RSAD1: variants seen among roughly 807,000 people sequenced by gnomAD.
The protein encoded by RSAD1 is radical S-adenosyl methionine domain-containing protein 1, mitochondrial.
Under a neutral mutation model 46.2 loss-of-function variants are expected in RSAD1, and 34 were observed. The observed-to-expected ratio is 0.74, with a 90% CI of 0.56 to 0.98. The LOEUF (loss-of-function observed/expected upper bound fraction) is 0.98, where lower values mean the gene tolerates loss of function less well. RSAD1 is among the 50% of genes least tolerant of loss of function. RSAD1 has a pLI of 0.00. For synonymous variants in RSAD1, 260 were observed against 253.5 expected (o/e 1.03, Z -0.24); for missense variants, 635 against 592.3 (o/e 1.07, Z -0.75).
chr17:50,483,738 C>T lies in RSAD1; in HGVS notation c.1085C>T (p.Thr362Ile), dbSNP rs2033414710. The T allele has an allele frequency of 6.2e-7, 1 of 1,612,064 alleles. No homozygotes were observed. Among genetic ancestry groups the T allele is most frequent in the Non-Finnish European group, 8.5e-7 (1 of 1,179,406 alleles). ...LEEVLALGLR[T>I]DVGITHQHWQ... is the part of the protein sequence containing the mutation. The stretch of plus-strand genomic sequence containing the variant: ...GAAGTTTTGGCCCTGGGGCTACGCA[C>T]CGATGTGGGGATCACTCACCAGGTA... The change falls in exon 7 of 9, where the codon ACC becomes ATC. Residue 362 changes from threonine to isoleucine, a missense_variant. By Grantham distance (89) the Thr-to-Ile change is moderately conservative. Coordinates refer to ENST00000258955, the MANE Select transcript of RSAD1 (RefSeq NM_018346.3).
chr17:50,484,077 C>G (rs941744890), intron 7 of RSAD1: 2 of 453,628 alleles, frequency 4.4e-6, no homozygotes, highest in South Asian at 7.1e-5. Context: ...AGGGTTTCCA[C>G]TTGTTTTTAG....
At position 50,482,661 on chromosome 17, in the gene RSAD1, AATTGGACTT is replaced by A; in HGVS notation, c.861_869del (p.Thr289_Trp291del). 6.2e-7 allele frequency: 1 copy of A among 1,614,122 alleles called. No individual in the cohort carries two copies. Among genetic ancestry groups the A allele is most frequent in the Non-Finnish European group, 8.5e-7 (1 of 1,180,022 alleles). ...CCCGCAGGGGGCGCTCAGTACCCAC[AATTGGACTT>A]ACTGGCAGTGTGGTCAGTACCTTGG... On this transcript the variant is annotated inframe_deletion, in exon 5 of 9. Coordinates refer to ENST00000258955, the MANE Select transcript of RSAD1 (RefSeq NM_018346.3).
In RSAD1 at chr17:50,482,181, C is replaced by G. The variant is rs753419363; in HGVS notation, c.565C>G (p.Pro189Ala). The change falls in exon 4 of 9, where the codon CCC becomes GCC. Residue 189 changes from proline (P) to alanine (A), a missense_variant. Transcript: ENST00000258955. ...RTLAEARRLF[P>A]GRVSVDLMLG... ...GCTGGCAGAGGCCCGGCGCCTCTTTCCCGGGCGCGTGTCTGTAGACTTGAT... is the reference window on the plus strand; with the variant it reads ...GCTGGCAGAGGCCCGGCGCCTCTTTGCCGGGCGCGTGTCTGTAGACTTGAT... 17 of 1,580,124 alleles carry G rather than the reference C, an allele frequency of 1.1e-5. No individual in the cohort carries two copies. In the African/African-American group the frequency reaches 2.0e-4, roughly 19 times the overall value.
At chr17:50,480,256 A>G (rs1164887812) in intron 3 of RSAD1, 172 bp downstream of exon 3, 2 of 655,214 alleles carry the variant, frequency 3.1e-6, no homozygotes, top group Non-Finnish European at 5.4e-6. Flanking sequence ...CTGCTGTCAT[A>G]GACCACAGAC....
intron 2 of RSAD1, 27 bp from the exon 3 acceptor site, chr17:50,479,851 GGT>G: frequency 6.2e-7 from 1 of 1,600,592 alleles, no homozygotes; most frequent in Non-Finnish European, 8.5e-7. Context: ...GGCTCCCCCA[GGT>G]CTCATTTCTC....
chr17:50,481,050 C>T (rs181958835), intron 3 of RSAD1, among the ~76,000 whole-genome samples: 57 of 152,040 alleles, frequency 3.7e-4, no homozygotes, highest in Non-Finnish European at 5.4e-4. Flanking sequence ...AATTATAATT[C>T]GTAAATAATA....
At chr17:50,483,172 C>CAAAAAAA (rs71353643) in intron 5 of RSAD1, among the ~76,000 whole-genome samples, 168 bp from the exon 6 acceptor site, 34 of 68,398 alleles carry the variant, frequency 5.0e-4, no homozygotes, top group African/African-American at 2.2e-3. Context: ...GACACCACCT[C>CAAAAAAA]AAAAAAAAAA....
chr17:50,480,367 G>T, intron 3 of RSAD1: 1 of 458,024 alleles, frequency 2.2e-6, no homozygotes. Context: ...CATGACACGG[G>T]AGACGCAGAC....
chr17:50,482,763 G>T, intron 5 of RSAD1, 57 bp downstream of exon 5: 1 of 1,541,254 alleles, frequency 6.5e-7, no homozygotes, highest in South Asian at 1.2e-5. Context: ...GTGGCTGTGT[G>T]AACTTGGGCC....
At chr17:50,482,758 T>G in intron 5 of RSAD1, 52 bp downstream of exon 5, 22 of 1,559,302 alleles carry the variant, frequency 1.4e-5, no homozygotes, top group Non-Finnish European at 1.9e-5. Flanking sequence ...ATGTCGTGGC[T>G]GTGTGAACTT....
chr17:50,483,853 C>T, intron 7 of RSAD1, 93 bp downstream of exon 7: 1 of 1,234,718 alleles, frequency 8.1e-7, no homozygotes, highest in Non-Finnish European at 1.1e-6. Context: ...ACATATACCT[C>T]CAATTTCTGT....
At chr17:50,483,660 G>A in intron 6 of RSAD1, 46 bp from the exon 7 acceptor site, 1 of 1,610,620 alleles carries the variant, frequency 6.2e-7, no homozygotes, top group South Asian at 1.1e-5. Context: ...AGAATGGGAG[G>A]AGCACAGGCC....
chr17:50,483,702 T>C lies in RSAD1; in HGVS notation c.1053-4T>C. ...CTAAGACTCCTTGGTGATTTTTCTT[T>C]GAGGCTGGAGGAAGTTTTGGCCCTG... is the stretch of plus-strand genomic sequence containing the variant. On this transcript the variant is annotated splice_polypyrimidine_tract_variant and splice_region_variant and intron_variant, in intron 6 of 8. Transcript: ENST00000258955. 6.2e-7 allele frequency: 1 copy of C among 1,613,252 alleles called. No individual in the cohort carries two copies. Among genetic ancestry groups the C allele is most frequent in the African/African-American group, 1.3e-5 (1 of 74,952 alleles).
Position 50,479,693 on chromosome 17 carries a change from A to C in RSAD1, c.200A>C (p.Glu67Ala). The C allele has an allele frequency of 6.2e-7, 1 of 1,613,976 alleles. No individual in the cohort carries two copies. The highest frequency in any genetic ancestry group is 1.7e-5 in the Admixed American group (1 of 60,006). ...NFNKYIPRRLEEAAMQKCLVT... is the reference protein window; with the variant it reads ...NFNKYIPRRLAEAAMQKCLVT... ...AACAAGTACATCCCTCGCCGCCTGG[A>C]GGAGGCTGCCATGCAGAAGTGTCTG... The change falls in exon 2 of 9, where the codon GAG becomes GCG. Residue 67 changes from glutamate to alanine, a missense_variant. Physicochemically the swap from Glu to Ala is moderately radical, Grantham distance 107. Coordinates refer to ENST00000258955, the MANE Select transcript of RSAD1 (RefSeq NM_018346.3).
Position 50,484,515 on chromosome 17 carries a change from T to C in RSAD1, c.1181T>C (p.Leu394Pro). The part of the protein sequence containing the change: ...FGANKEVQEL[L>P]ERGLLQLDHR... Reference sequence around the variant, plus strand: ...GCGAACAAGGAGGTGCAGGAGCTGCTGGAGCGGGGCCTACTGCAGCTGGAT... The same window carrying C: ...GCGAACAAGGAGGTGCAGGAGCTGCCGGAGCGGGGCCTACTGCAGCTGGAT... Residue 394 changes from leucine (L) to proline (P), a missense_variant, in exon 8 of 9, where the codon CTG (leucine) becomes CCG (proline). Transcript: ENST00000258955. 3 of 1,613,564 alleles carry C rather than the reference T, an allele frequency of 1.9e-6. No homozygotes were observed. The highest frequency in any genetic ancestry group is 2.5e-6 in the Non-Finnish European group (3 of 1,179,984).
chr17:50,483,517 C>G lies in RSAD1; in HGVS notation c.1052+30C>G, dbSNP rs200705149. On this transcript the variant is annotated intron_variant, in intron 6 of 8. Coordinates refer to ENST00000258955, the MANE Select transcript of RSAD1 (RefSeq NM_018346.3). Reference sequence around the variant, plus strand: ...GCATCCAAGGGCACAGGGCTCTCCTCCAGGATCCCCACACCCCAAGACCAT... The same window carrying G: ...GCATCCAAGGGCACAGGGCTCTCCTGCAGGATCCCCACACCCCAAGACCAT... 5 of 1,609,078 alleles carry G rather than the reference C, an allele frequency of 3.1e-6. No homozygotes were observed. In the East Asian group the frequency reaches 1.1e-4, roughly 36 times the overall value.
intron 5 of RSAD1, 47 bp from the exon 6 acceptor site, chr17:50,483,293 A>T (rs1333564044): frequency 6.3e-7 from 1 of 1,583,800 alleles, no homozygotes; most frequent in Non-Finnish European, 8.6e-7. Context: ...TGGTAAACAC[A>T]TAGTATTAAC....
chr17:50,484,343 A>G, intron 7 of RSAD1, 99 bp from the exon 8 acceptor site: 2 of 1,014,008 alleles, frequency 2.0e-6, no homozygotes, highest in Non-Finnish European at 2.9e-6. Flanking sequence ...TGAGATCTCC[A>G]TGCTGAACTG....
At position 50,479,956 on chromosome 17, in the gene RSAD1, G is replaced by T. The variant is rs1306504138; in HGVS notation, c.346G>T (p.Val116Leu). ...CACGGTGGCTGCTGTCCTGGAGGCT[G>T]TGGCACAGGCAGCCCACCTGCCTGC... Reference protein sequence around the residue: ...PHTVAAVLEAVAQAAHLPADL... With the variant: ...PHTVAAVLEALAQAAHLPADL... Residue 116 changes from valine to leucine, a missense_variant, in exon 3 of 9, where the codon GTG becomes TTG. Transcript: ENST00000258955. 3 of 1,614,064 alleles carry T rather than the reference G, an allele frequency of 1.9e-6. No homozygotes were observed. Among genetic ancestry groups the T allele is most frequent in the South Asian group, 2.2e-5 (2 of 91,092 alleles).
Sources: gnomAD v4.1 joint callset for allele counts (sites outside exome capture counted in the v4.1 genomes callset) on GRCh38, gnomAD v4.1.1 for gene constraint, MANE v1.5 for transcripts, NCBI Gene and HGNC (gene_info 2026-07-23, HGNC 2026-07-21) for gene names.